The following ABAT variants were observed in gnomAD, a reference collection of about 807,000 sequenced individuals.
ABAT encodes the protein 4-aminobutyrate aminotransferase, mitochondrial.
ABAT carries 45 observed loss-of-function variants against 64.6 expected under a neutral mutation model. That is an observed-to-expected ratio of 0.70 (90% CI 0.55 to 0.89). The LOEUF is 0.89. Ranked by LOEUF, ABAT falls within the 40% of genes least tolerant of loss-of-function variation. The pLI, the probability that ABAT is intolerant of heterozygous loss-of-function variation, is 0.00. For missense variants in ABAT, 633 were observed against 658.4 expected (o/e 0.96, Z 0.42); for synonymous variants, 297 against 250.5 (o/e 1.19, Z -1.75).
chr16:8,717,319 A>G (rs765070846), intron 1 of ABAT, among the ~76,000 whole-genome samples: 11 of 152,232 alleles, frequency 7.2e-5, no homozygotes, highest in Non-Finnish European at 1.6e-4. Context: ...TATATTGATT[A>G]TGTATCAAAA....
intron 1 of ABAT, among the ~76,000 whole-genome samples, chr16:8,719,068 C>T (rs1413073948): frequency 2.0e-5 from 3 of 152,194 alleles, no homozygotes; most frequent in Non-Finnish European, 4.4e-5. Flanking sequence ...CCTCCAATCA[C>T]ACCGACCTGA....
At chr16:8,684,957 A>G (rs2057419304) in intron 1 of ABAT, among the ~76,000 whole-genome samples, 1 of 152,194 alleles carries the variant, frequency 6.6e-6, no homozygotes, top group South Asian at 2.1e-4. Context: ...TCAGTTTTCT[A>G]CAACTTACAA....
At chr16:8,731,825 C>T (rs73499540) in intron 1 of ABAT, among the ~76,000 whole-genome samples, 4,112 of 151,646 alleles carry the variant, frequency 0.027, 131 homozygotes, top group African/African-American at 0.077. Flanking sequence ...CCCCAGCCCT[C>T]GGCAACCTCT....
intron 1 of ABAT, among the ~76,000 whole-genome samples, chr16:8,684,495 C>A (rs1596397830): frequency 6.6e-6 from 1 of 151,976 alleles, no homozygotes; most frequent in Admixed American, 6.6e-5. Flanking sequence ...ATTACTTGAG[C>A]CCAGGAGTTT....
chr16:8,686,007 A>AG (rs1234227900), intron 1 of ABAT, among the ~76,000 whole-genome samples: 3 of 152,190 alleles, frequency 2.0e-5, no homozygotes, highest in Non-Finnish European at 4.4e-5. Context: ...AGCCAATCCC[A>AG]GGGGCAGATT....
intron 1 of ABAT, among the ~76,000 whole-genome samples, chr16:8,693,389 G>GA (rs35771183): frequency 0.08 from 12,090 of 152,032 alleles, 595 homozygotes; most frequent in Admixed American, 0.14. Flanking sequence ...TATATTTATT[G>GA]AAAAAAATCC....
intron 1 of ABAT, among the ~76,000 whole-genome samples, chr16:8,706,210 A>G (rs1485412572): frequency 6.6e-6 from 1 of 150,822 alleles, no homozygotes; most frequent in African/African-American, 2.4e-5. Context: ...TCTGGGCAAC[A>G]TGATGAAACT....
intron 6 of ABAT, among the ~76,000 whole-genome samples, chr16:8,761,137 T>C (rs2059784134): frequency 6.6e-6 from 1 of 151,918 alleles, no homozygotes; most frequent in Non-Finnish European, 1.5e-5. Flanking sequence ...GGATTCTGAT[T>C]TCAGGGACAG....
At chr16:8,718,999 C>T (rs1465001869) in intron 1 of ABAT, among the ~76,000 whole-genome samples, 1 of 152,160 alleles carries the variant, frequency 6.6e-6, no homozygotes, top group African/African-American at 2.4e-5. Context: ...TTTTTGCGTA[C>T]TTAGCGGTTT....
chr16:8,775,496 C>T (rs767055767), intron 13 of ABAT, among the ~76,000 whole-genome samples: 4 of 152,064 alleles, frequency 2.6e-5, no homozygotes, highest in African/African-American at 9.7e-5. Context: ...AGTGACAAAG[C>T]CAGGATTCCA....
intron 1 of ABAT, among the ~76,000 whole-genome samples, chr16:8,679,580 G>C (rs2057284742): frequency 6.6e-6 from 1 of 151,236 alleles, no homozygotes; most frequent in African/African-American, 2.4e-5. Context: ...TCTCTCATTG[G>C]GCCGCTGTGA....
intron 2 of ABAT, chr16:8,736,252 T>C: frequency 5.1e-6 from 1 of 196,948 alleles, no homozygotes; most frequent in South Asian, 9.3e-5. Flanking sequence ...GTGGGAATTA[T>C]GGGAGCTATG....
At chr16:8,691,507 T>C (rs1197425876) in intron 1 of ABAT, among the ~76,000 whole-genome samples, 1 of 152,160 alleles carries the variant, frequency 6.6e-6, no homozygotes, top group Non-Finnish European at 1.5e-5. Flanking sequence ...TGGCACAATT[T>C]TGGCTCAATG....
At position 8,764,433 on chromosome 16, in the gene ABAT, G is replaced by A. The variant is rs912328928; in HGVS notation, c.447+284G>A. ...CTTCTCGGTTTTAGTTACTACAAAC[G>A]ATTAAAGCCATTGGGAGCCTCAACG... On this transcript the variant is annotated intron_variant, in intron 7 of 15. Transcript: ENST00000268251. The surrounding 1 kb of genome is among the most constrained non-coding windows in gnomAD (Gnocchi z 4.2). 6.6e-6 allele frequency among the ~76,000 whole-genome samples: 1 copy of A among 152,138 alleles called. No homozygotes were observed. The highest frequency in any genetic ancestry group is 1.5e-5 in the Non-Finnish European group (1 of 68,036).
intron 11 of ABAT, 82 bp from the exon 12 acceptor site, chr16:8,772,698 C>T: frequency 6.4e-7 from 1 of 1,558,556 alleles, no homozygotes; most frequent in East Asian, 2.2e-5. Context: ...TTGCATGGGG[C>T]TCATCGAACC....
intron 1 of ABAT, among the ~76,000 whole-genome samples, chr16:8,724,765 A>AGG (rs2058491049): frequency 1.5e-5 from 2 of 133,318 alleles, no homozygotes; most frequent in African/African-American, 2.8e-5. Context: ...AAAAAAAAAA[A>AGG]AAAACAATGG....
intron 1 of ABAT, among the ~76,000 whole-genome samples, chr16:8,725,205 C>T (rs561525747): frequency 6.1e-4 from 93 of 152,330 alleles, no homozygotes; most frequent in African/African-American, 2.2e-3. Context: ...CGTGAGCCAG[C>T]GCGCCTGGCT....
intron 1 of ABAT, among the ~76,000 whole-genome samples, chr16:8,735,461 A>G (rs1303752765): frequency 6.6e-6 from 1 of 152,140 alleles, no homozygotes; most frequent in East Asian, 1.9e-4. Context: ...TATGCTGCCC[A>G]GACTAGTCTG....
At chr16:8,736,790 G>A (rs1004957481) in intron 2 of ABAT, 2 of 152,246 alleles carry the variant, frequency 1.3e-5, no homozygotes, top group South Asian at 2.1e-4. Flanking sequence ...TTTGCCCAAG[G>A]TCACACAGCC....
Sources: allele counts gnomAD v4.1 joint callset (sites outside exome capture counted in the v4.1 genomes callset), GRCh38; gene constraint gnomAD v4.1.1; non-coding constraint Gnocchi (gnomAD v3.1); transcripts MANE v1.5; gene names NCBI Gene and HGNC (gene_info 2026-07-23, HGNC 2026-07-21).